Variants in CNTNAP5 observed in about 807,000 individuals in gnomAD.
CNTNAP5 encodes the protein contactin associated protein family member 5.
A neutral mutation model predicts 150.2 loss-of-function variants in CNTNAP5; 72 were observed. The observed-to-expected ratio is 0.48, with a 90% CI of 0.40 to 0.58. The LOEUF (loss-of-function observed/expected upper bound fraction) is 0.58. CNTNAP5 is among the 20% of genes least tolerant of loss of function. The pLI is 0.00. For synonymous variants in CNTNAP5, 672 were observed against 619.8 expected (o/e 1.08, Z -1.25); for missense variants, 1,636 against 1,626.2 (o/e 1.01, Z -0.10).
At chr2:124,771,286 C>A (rs1237011958) in intron 16 of CNTNAP5, among the ~76,000 whole-genome samples, 2 of 152,230 alleles carry the variant, frequency 1.3e-5, no homozygotes, top group Non-Finnish European at 2.9e-5. Context: ...GAATGCCTAG[C>A]ATATGAAAGT....
At chr2:124,080,584 A>G (rs991458035) in intron 1 of CNTNAP5, among the ~76,000 whole-genome samples, 1 of 152,188 alleles carries the variant, frequency 6.6e-6, no homozygotes, top group African/African-American at 2.4e-5. Context: ...AACACTGAAA[A>G]TCATTTCCAA....
intron 10 of CNTNAP5, among the ~76,000 whole-genome samples, chr2:124,534,842 T>C (rs1695192140): frequency 6.6e-6 from 1 of 152,196 alleles, no homozygotes; most frequent in African/African-American, 2.4e-5. Flanking sequence ...ATGACTTGTA[T>C]CTTGTGACAC....
At chr2:124,443,343 A>G (rs1185492157) in intron 5 of CNTNAP5, among the ~76,000 whole-genome samples, 2 of 151,252 alleles carry the variant, frequency 1.3e-5, no homozygotes, top group Non-Finnish European at 2.9e-5. Context: ...TATAAAAAGG[A>G]TGGGAAAGCT....
chr2:124,261,670 G>T (rs1378540703), intron 3 of CNTNAP5, among the ~76,000 whole-genome samples: 1 of 152,116 alleles, frequency 6.6e-6, no homozygotes, highest in Non-Finnish European at 1.5e-5. Context: ...TGTTTGCCTT[G>T]TAACCAGGCC....
At chr2:124,191,984 C>T (rs1349001569) in intron 1 of CNTNAP5, among the ~76,000 whole-genome samples, 1 of 152,004 alleles carries the variant, frequency 6.6e-6, no homozygotes, top group Non-Finnish European at 1.5e-5. Context: ...TCTCGTGTCT[C>T]CTTAGTTTGA....
At chr2:124,187,289 A>C (rs1685357704) in intron 1 of CNTNAP5, among the ~76,000 whole-genome samples, 1 of 152,186 alleles carries the variant, frequency 6.6e-6, no homozygotes, top group Non-Finnish European at 1.5e-5. Context: ...ATCATGCATA[A>C]CTGGTGGCTG....
intron 21 of CNTNAP5, among the ~76,000 whole-genome samples, chr2:124,892,710 A>G (rs1573692874): frequency 6.6e-6 from 1 of 152,106 alleles, no homozygotes; most frequent in African/African-American, 2.4e-5. Context: ...TGCAGACACA[A>G]TATCCAATGT....
Position 124,136,871 on chromosome 2 carries a change from G to T in CNTNAP5, c.83-84834G>T, listed in dbSNP as rs1228378165. Among the ~76,000 whole-genome samples, 3 of 152,270 alleles carry T rather than the reference G, an allele frequency of 2.0e-5. No homozygotes were observed. In the East Asian group the frequency reaches 5.8e-4, roughly 29 times the overall value. On this transcript the variant is annotated intron_variant, in intron 1 of 23. Coordinates refer to ENST00000682447, the MANE Select transcript of CNTNAP5 (RefSeq NM_001367498.1). ...AAGCTCTGGTGAGTGAAAGCAACAT[G>T]CTCCCCCTTCACAATGCTCTTTTGT...
At chr2:124,382,552 G>T (rs1436351924) in intron 3 of CNTNAP5, among the ~76,000 whole-genome samples, 1 of 152,088 alleles carries the variant, frequency 6.6e-6, no homozygotes, top group Admixed American at 6.6e-5. Context: ...CTTTAAACTT[G>T]CTTTCCCATC....
At chr2:124,463,394 G>T (rs1408995129) in intron 6 of CNTNAP5, among the ~76,000 whole-genome samples, 1 of 152,176 alleles carries the variant, frequency 6.6e-6, no homozygotes, top group Non-Finnish European at 1.5e-5. Context: ...TCAGGTTTAA[G>T]CCAGGAGCAA....
intron 1 of CNTNAP5, among the ~76,000 whole-genome samples, chr2:124,174,161 C>A (rs1392457602): frequency 6.6e-6 from 1 of 151,540 alleles, no homozygotes; most frequent in Non-Finnish European, 1.5e-5. Flanking sequence ...ATTGACAATG[C>A]ACCTGGTTAC....
At position 124,127,272 on chromosome 2, in the gene CNTNAP5, AAC is replaced by A. The variant is rs535839009; in HGVS notation, c.83-94431_83-94430del. On this transcript the variant is annotated intron_variant, in intron 1 of 23. Coordinates refer to ENST00000682447, the MANE Select transcript of CNTNAP5 (RefSeq NM_001367498.1). The stretch of plus-strand genomic sequence containing the variant: ...CATTTCTATACACCAATAACAGACA[AAC>A]AGAGAGCCATATCATGAGTGAACTC... Among the ~76,000 whole-genome samples the A allele has an allele frequency of 5.6e-3, 860 of 152,302 alleles. 9 individuals carry two copies. Among genetic ancestry groups the A allele is most frequent in the African/African-American group, 0.019 (789 of 41,574 alleles).
At chr2:124,803,588 A>C (rs1682016966) in intron 19 of CNTNAP5, among the ~76,000 whole-genome samples, 1 of 152,184 alleles carries the variant, frequency 6.6e-6, no homozygotes, top group South Asian at 2.1e-4. Flanking sequence ...CTCCAGCACC[A>C]AATGGTTTGT....
rs150611761 is a variant in CNTNAP5 at position 124,313,171 on chromosome 2, G to A, written c.381+70778G>A. 8.3e-3 allele frequency among the ~76,000 whole-genome samples: 1,264 copies of A among 152,294 alleles called. 18 individuals are homozygous for A. Among genetic ancestry groups the A allele is most frequent in the African/African-American group, 0.029 (1,186 of 41,568 alleles). ...CGATATGTAACAGTCACTCAGGCTT[G>A]CACATTCAATTCGTACCAAAAATAG... On this transcript the variant is annotated intron_variant, in intron 3 of 23. Coordinates refer to ENST00000682447, the MANE Select transcript of CNTNAP5 (RefSeq NM_001367498.1).
intron 1 of CNTNAP5, among the ~76,000 whole-genome samples, chr2:124,030,083 C>T (rs1299022164): frequency 6.6e-6 from 1 of 152,034 alleles, no homozygotes; most frequent in Non-Finnish European, 1.5e-5. Context: ...ACTTAGTTAC[C>T]CCAATGATCT....
chr2:124,259,493 A>G (rs545537936), intron 3 of CNTNAP5, among the ~76,000 whole-genome samples: 9 of 152,160 alleles, frequency 5.9e-5, no homozygotes, highest in Admixed American at 2.6e-4. Context: ...AAGTGTTCCT[A>G]TTTCTCCACA....
intron 9 of CNTNAP5, among the ~76,000 whole-genome samples, chr2:124,525,187 A>C (rs1405652330): frequency 6.6e-6 from 1 of 152,206 alleles, no homozygotes. Flanking sequence ...TTTTTCATTA[A>C]AAATTAATAT....
chr2:124,407,906 C>T (rs953833816), intron 3 of CNTNAP5, among the ~76,000 whole-genome samples: 2 of 152,098 alleles, frequency 1.3e-5, no homozygotes, highest in Admixed American at 1.3e-4. Context: ...GGAACAGCTC[C>T]GGTCTACAGC....
chr2:124,741,119 ACT>A (rs906932210), intron 13 of CNTNAP5, among the ~76,000 whole-genome samples: 9 of 152,020 alleles, frequency 5.9e-5, no homozygotes, highest in Non-Finnish European at 1.3e-4. Context: ...GAGAACTAAA[ACT>A]CTTCTTGTTG....
Sources: allele counts gnomAD v4.1 joint callset (sites outside exome capture counted in the v4.1 genomes callset), GRCh38; gene constraint gnomAD v4.1.1; transcripts MANE v1.5; gene names NCBI Gene and HGNC (gene_info 2026-07-23, HGNC 2026-07-21).